The following CDH13 variants were observed in gnomAD, a reference collection of about 807,000 sequenced individuals.
CDH13 encodes cadherin-13.
Under a neutral mutation model 63.8 loss-of-function variants are expected in CDH13, and 24 were observed. That is an observed-to-expected ratio of 0.38 (90% CI 0.27 to 0.53). The LOEUF (loss-of-function observed/expected upper bound fraction) is 0.53, where lower values mean the gene tolerates loss of function less well. Ranked by LOEUF, CDH13 falls within the 20% of genes least tolerant of loss-of-function variation. The probability of loss-of-function intolerance (pLI) is 0.85; values close to 1 mark genes in which losing one functional copy is unlikely to be tolerated. For synonymous variants in CDH13, 503 were observed against 355.3 expected (o/e 1.42, Z -4.67); for missense variants, 1,049 against 903.1 (o/e 1.16, Z -2.07).
At chr16:83,341,972 T>G (rs1019583609) in intron 5 of CDH13, among the ~76,000 whole-genome samples, 2 of 143,846 alleles carry the variant, frequency 1.4e-5, no homozygotes, top group African/African-American at 5.1e-5. Flanking sequence ...CCATTTATTT[T>G]GAATAGGTGT....
intron 1 of CDH13, among the ~76,000 whole-genome samples, chr16:82,766,858 A>G (rs1420145490): frequency 6.6e-6 from 1 of 152,180 alleles, no homozygotes; most frequent in Non-Finnish European, 1.5e-5. Context: ...TGTACCCGAC[A>G]TACAATATTT....
intron 4 of CDH13, among the ~76,000 whole-genome samples, chr16:83,145,405 CA>C: frequency 6.6e-6 from 1 of 152,234 alleles, no homozygotes. Context: ...TTTTGAAGAC[CA>C]GGGGCTTTTA....
chr16:82,688,367 C>G (rs1915296170), intron 1 of CDH13, among the ~76,000 whole-genome samples: 1 of 152,206 alleles, frequency 6.6e-6, no homozygotes, highest in African/African-American at 2.4e-5. Flanking sequence ...CCTCTCTGAG[C>G]TTCAGCTTCC....
At chr16:83,599,088 G>A (rs755425287) in intron 7 of CDH13, among the ~76,000 whole-genome samples, 1 of 152,208 alleles carries the variant, frequency 6.6e-6, no homozygotes, top group Non-Finnish European at 1.5e-5. Flanking sequence ...TGAGGGTGAG[G>A]AAGGGGTGAT....
At chr16:83,117,877 G>A (rs75796824) in intron 3 of CDH13, among the ~76,000 whole-genome samples, 8 of 151,718 alleles carry the variant, frequency 5.3e-5, no homozygotes, top group South Asian at 2.1e-4. Flanking sequence ...TCCAGACAGC[G>A]TGATACTTGC....
At chr16:83,374,185 C>G (rs1372828630) in intron 6 of CDH13, among the ~76,000 whole-genome samples, 2 of 152,182 alleles carry the variant, frequency 1.3e-5, no homozygotes, top group Non-Finnish European at 2.9e-5. Context: ...TTAGTCCAAC[C>G]CCTTAGCCTG....
chr16:83,659,850 G>T (rs112977811), intron 8 of CDH13, among the ~76,000 whole-genome samples: 1 of 143,804 alleles, frequency 7.0e-6, no homozygotes, highest in Non-Finnish European at 1.5e-5. Context: ...GCAGTGGCAT[G>T]ATCTTGGCTC....
intron 3 of CDH13, among the ~76,000 whole-genome samples, chr16:83,098,451 A>T (rs1294753276): frequency 1.3e-5 from 2 of 152,174 alleles, no homozygotes; most frequent in Non-Finnish European, 2.9e-5. Context: ...TGTGCTCTTC[A>T]TTCCTTTGTG....
At chr16:82,889,378 A>G (rs1262448427) in intron 2 of CDH13, among the ~76,000 whole-genome samples, 6 of 152,070 alleles carry the variant, frequency 3.9e-5, no homozygotes, top group East Asian at 1.9e-4. Context: ...TCTATAATCT[A>G]TTAGTTTTTC....
chr16:83,068,131 A>T (rs1021870755), intron 3 of CDH13, among the ~76,000 whole-genome samples: 1 of 152,208 alleles, frequency 6.6e-6, no homozygotes, highest in African/African-American at 2.4e-5. Flanking sequence ...GCATTACCAC[A>T]GTCGGATCTG....
At chr16:83,378,446 T>C (rs1483879341) in intron 6 of CDH13, among the ~76,000 whole-genome samples, 1 of 152,212 alleles carries the variant, frequency 6.6e-6, no homozygotes, top group Non-Finnish European at 1.5e-5. Flanking sequence ...ATGTTCTAGT[T>C]GTCTGCAACG....
chr16:82,813,430 C>T (rs2037547756), intron 1 of CDH13, among the ~76,000 whole-genome samples: 2 of 152,110 alleles, frequency 1.3e-5, no homozygotes, highest in Admixed American at 1.3e-4. Flanking sequence ...GATATTAAAA[C>T]CTTATTGACT....
At chr16:83,775,389 G>T (rs1863382321) in intron 11 of CDH13, among the ~76,000 whole-genome samples, 1 of 149,748 alleles carries the variant, frequency 6.7e-6, no homozygotes, top group African/African-American at 2.4e-5. Context: ...AGACCTGAAA[G>T]CTGGAATGGT....
intron 9 of CDH13, among the ~76,000 whole-genome samples, chr16:83,672,139 C>G (rs1381494295): frequency 6.6e-6 from 1 of 152,220 alleles, no homozygotes; most frequent in Non-Finnish European, 1.5e-5. Context: ...TTCTGTGCAC[C>G]AGTTTCCTCA....
intron 1 of CDH13, among the ~76,000 whole-genome samples, chr16:82,716,615 A>C (rs546628003): frequency 1.1e-4 from 16 of 149,226 alleles, no homozygotes; most frequent in African/African-American, 3.7e-4. Flanking sequence ...TTATGTAAAT[A>C]AGCAGACACC....
At chr16:82,672,683 G>A (rs1394016579) in intron 1 of CDH13, among the ~76,000 whole-genome samples, 1 of 151,308 alleles carries the variant, frequency 6.6e-6, no homozygotes, top group African/African-American at 2.4e-5. Flanking sequence ...TCTCCTCACT[G>A]ATTCACTGTT....
chr16:83,465,690 T>C (rs2073296416), intron 6 of CDH13, among the ~76,000 whole-genome samples: 3 of 152,182 alleles, frequency 2.0e-5, no homozygotes, highest in Admixed American at 2.0e-4. Flanking sequence ...CAGAGACAAT[T>C]GATGGTCTGT....
chr16:83,304,665 AATAATG>A (rs1250051758), intron 5 of CDH13, among the ~76,000 whole-genome samples: 5 of 152,202 alleles, frequency 3.3e-5, no homozygotes, highest in Admixed American at 3.3e-4. Context: ...TGAAAGGAGG[AATAATG>A]ATAATATTGT....
intron 6 of CDH13, among the ~76,000 whole-genome samples, chr16:83,432,585 C>G (rs528877117): frequency 1.3e-5 from 2 of 152,270 alleles, no homozygotes; most frequent in Non-Finnish European, 2.9e-5. Context: ...AGCTTTTAGA[C>G]TGAACTTGAG....
Sources: gnomAD v4.1 joint callset for allele counts (sites outside exome capture counted in the v4.1 genomes callset) on GRCh38, gnomAD v4.1.1 for gene constraint, MANE v1.5 for transcripts, NCBI Gene and HGNC (gene_info 2026-07-23, HGNC 2026-07-21) for gene names.